ZFYVE27: variants seen among roughly 807,000 people sequenced by gnomAD.
ZFYVE27 encodes the protein protrudin.
In ZFYVE27, 36 loss-of-function variants were observed where a neutral mutation model predicts 52.8. That is an observed-to-expected ratio of 0.68 (90% confidence interval 0.52 to 0.90). ZFYVE27 has a LOEUF of 0.90. Ranked by LOEUF, ZFYVE27 falls within the 40% of genes least tolerant of loss-of-function variation. The pLI is 0.00. For missense variants in ZFYVE27, 450 were observed against 527.2 expected (o/e 0.85, Z 1.43); for synonymous variants, 223 against 215.6 (o/e 1.03, Z -0.30).
chr10:97,742,241 G>A (rs984763280), intron 2 of ZFYVE27, among the ~76,000 whole-genome samples: 4 of 151,788 alleles, frequency 2.6e-5, no homozygotes, highest in Non-Finnish European at 4.4e-5. Context: ...TATTGACACT[G>A]CCTTTAGAAT....
chr10:97,741,615 G>T (rs1366281221), intron 2 of ZFYVE27, among the ~76,000 whole-genome samples: 1 of 152,128 alleles, frequency 6.6e-6, no homozygotes, highest in Non-Finnish European at 1.5e-5. Context: ...GGCCTATTGA[G>T]GGGTGGGGGC....
intron 4 of ZFYVE27, among the ~76,000 whole-genome samples, chr10:97,746,984 G>A (rs2045616915): frequency 6.6e-6 from 1 of 152,060 alleles, no homozygotes. Context: ...AGCCAGTGTG[G>A]GTGTCCTAAT....
rs747327272 is a variant in ZFYVE27 at position 97,753,193 on chromosome 10, G to A, written c.1042+11G>A. 6.0e-5 allele frequency: 97 copies of A among 1,609,452 alleles called. No homozygotes were observed. Among genetic ancestry groups the A allele is most frequent in the Admixed American group, 1.3e-4 (8 of 59,500 alleles). On this transcript the variant is annotated intron_variant, in intron 10 of 12. Transcript: ENST00000684270. ...CCACCAACAACTTCGGTGCGGCCAGGGGACAGGGCTGGGCTGGTGGGGGAG... is the reference window on the plus strand; with the variant it reads ...CCACCAACAACTTCGGTGCGGCCAGAGGACAGGGCTGGGCTGGTGGGGGAG...
intron 5 of ZFYVE27, among the ~76,000 whole-genome samples, chr10:97,748,619 C>G (rs1396495346): frequency 6.6e-6 from 1 of 152,186 alleles, no homozygotes; most frequent in East Asian, 1.9e-4. Context: ...GCAGCCGAAT[C>G]TCTTGTTTGT....
rs544046672 is a variant in ZFYVE27 at position 97,741,809 on chromosome 10, G to A, written c.198-1285G>A. Among the ~76,000 whole-genome samples the A allele has an allele frequency of 1.4e-4, 22 of 152,178 alleles. 1 individual carries two copies. The highest frequency in any genetic ancestry group is 2.8e-4 in the Non-Finnish European group (19 of 68,038). ...TGCATGAATTAGTTAACCTCATTCA[G>A]TAACTCTGAAATACTCCAGAGCACA... On this transcript the variant is annotated intron_variant, in intron 2 of 12. Transcript: ENST00000684270.
intron 2 of ZFYVE27, 53 bp downstream of exon 2, chr10:97,738,727 C>CT: frequency 6.3e-7 from 1 of 1,598,610 alleles, no homozygotes; most frequent in Non-Finnish European, 8.6e-7. Context: ...CCGTCCTGCT[C>CT]TGTAGTAACT....
At position 97,752,812 on chromosome 10, in the gene ZFYVE27, T is replaced by G. The variant is rs140471423; in HGVS notation, c.877-45T>G. The G allele has an allele frequency of 6.4e-4, 1,038 of 1,610,670 alleles. 9 individuals carry two copies. In the African/African-American group the frequency reaches 0.012, roughly 19 times the overall value. Reference sequence around the variant, plus strand: ...GGTAGCTTCTTTCTTCTTGCTATCTTTTTCTTTCTGTTTTCTCTCCTCTTC... The same window carrying G: ...GGTAGCTTCTTTCTTCTTGCTATCTGTTTCTTTCTGTTTTCTCTCCTCTTC... On this transcript the variant is annotated intron_variant, in intron 8 of 12. Transcript: ENST00000684270.
rs542073811 is a variant in ZFYVE27, at chr10:97,750,805, A to G, written c.804+335A>G. On this transcript the variant is annotated intron_variant, in intron 7 of 12. Transcript: ENST00000684270. ...ACCCAGGCTAGAGGGCAGTGGGGCA[A>G]TCACAGCTCACTACAACCTCCATCT... Among the ~76,000 whole-genome samples the G allele has an allele frequency of 2.8e-3, 428 of 151,252 alleles. 3 individuals carry two copies. The highest frequency in any genetic ancestry group is 9.7e-3 in the African/African-American group (401 of 41,176).
chr10:97,740,649 C>T (rs1355822223), intron 2 of ZFYVE27, among the ~76,000 whole-genome samples: 1 of 152,170 alleles, frequency 6.6e-6, no homozygotes, highest in African/African-American at 2.4e-5. Context: ...AAGCAGGATG[C>T]AGGAGGAGCA....
At chr10:97,742,957 C>T in intron 2 of ZFYVE27, 137 bp from the exon 3 acceptor site, 2 of 896,148 alleles carry the variant, frequency 2.2e-6, no homozygotes, top group East Asian at 2.4e-5. Context: ...AAGTGAGAGG[C>T]CCCCTTTTCG....
intron 12 of ZFYVE27, among the ~76,000 whole-genome samples, chr10:97,758,816 C>T (rs1179892067): frequency 6.6e-6 from 1 of 151,680 alleles, no homozygotes; most frequent in Non-Finnish European, 1.5e-5. Context: ...GAGTCTCGCT[C>T]TGTCGCCCAG....
At chr10:97,753,395 C>G (rs2047510805) in intron 10 of ZFYVE27, among the ~76,000 whole-genome samples, 1 of 152,140 alleles carries the variant, frequency 6.6e-6, no homozygotes, top group Non-Finnish European at 1.5e-5. Context: ...TCCTTCTTGT[C>G]CCTCCATCCT....
intron 4 of ZFYVE27, 105 bp from the exon 5 acceptor site, chr10:97,748,164 G>C: frequency 9.4e-7 from 1 of 1,059,736 alleles, no homozygotes; most frequent in Admixed American, 1.9e-5. Flanking sequence ...TGGTGAGTGT[G>C]TTTAAAGAGA....
chr10:97,754,831 T>C (rs1321048872), intron 10 of ZFYVE27: 2 of 1,288,476 alleles, frequency 1.6e-6, no homozygotes, highest in African/African-American at 3.0e-5. Context: ...GCAAATAATT[T>C]GTCTATTTCT....
chr10:97,747,865 A>G (rs187007374), intron 4 of ZFYVE27, among the ~76,000 whole-genome samples: 19 of 152,242 alleles, frequency 1.2e-4, no homozygotes, highest in Non-Finnish European at 2.1e-4. Flanking sequence ...GAACTCCCCA[A>G]GTGAGTCTGT....
intron 12 of ZFYVE27, 73 bp from the exon 13 acceptor site, chr10:97,759,163 G>A: frequency 6.5e-7 from 1 of 1,544,534 alleles, no homozygotes; most frequent in African/African-American, 1.4e-5. Flanking sequence ...ATTTGGGAGG[G>A]TGCTTCTAGT....
intron 2 of ZFYVE27, 73 bp downstream of exon 2, chr10:97,738,747 C>A: frequency 6.4e-7 from 1 of 1,550,676 alleles, no homozygotes; most frequent in South Asian, 1.1e-5. Context: ...TAACACTGAC[C>A]ATTTAGGCAG....
At chr10:97,743,007 G>A in intron 2 of ZFYVE27, 87 bp from the exon 3 acceptor site, 1 of 1,438,068 alleles carries the variant, frequency 7.0e-7, no homozygotes, top group Non-Finnish European at 9.8e-7. Flanking sequence ...TCCTCTTCTG[G>A]TTTGATGTCC....
Position 97,748,435 on chromosome 10 carries a change from C to T in ZFYVE27, c.551+71C>T, listed in dbSNP as rs1048472839. ...GCTTGAGCCCGAGCAAAGCCAGCTG[C>T]CTTGAGAGGACCTCTGCCCCTCTTA... On this transcript the variant is annotated intron_variant, in intron 5 of 12. Coordinates refer to ENST00000684270, the MANE Select transcript of ZFYVE27 (RefSeq NM_001385875.1). The T allele has an allele frequency of 8.0e-6, 12 of 1,495,300 alleles. No individual in the cohort carries two copies. In the South Asian group the frequency reaches 8.2e-5, roughly 10 times the overall value. The allele number at this position is 1,495,300 out of a possible 1,614,324, so 92.6% of individuals were successfully genotyped here.
Sources: allele counts gnomAD v4.1 joint callset (sites outside exome capture counted in the v4.1 genomes callset), GRCh38; gene constraint gnomAD v4.1.1; transcripts MANE v1.5; gene names NCBI Gene and HGNC (gene_info 2026-07-23, HGNC 2026-07-21).